The following ENPP6 variants were observed in gnomAD, a reference collection of about 807,000 sequenced individuals.
The protein encoded by ENPP6 is glycerophosphocholine cholinephosphodiesterase ENPP6.
ENPP6 carries 32 observed loss-of-function variants against 42.0 expected under a neutral mutation model. The ratio of observed to expected loss-of-function variants is 0.76; its 90% confidence interval spans 0.58 to 1.02. ENPP6 has a LOEUF of 1.02. Ranked by LOEUF, ENPP6 falls within the 50% of genes least tolerant of loss-of-function variation. The pLI is 0.00. For missense variants in ENPP6, 552 were observed against 566.8 expected, an observed-to-expected ratio of 0.97 and a Z score of 0.27; for synonymous variants, 213 against 216.0, an observed-to-expected ratio of 0.99 and a Z score of 0.12.
At chr4:184,136,768 T>A (rs1209529189) in intron 2 of ENPP6, among the ~76,000 whole-genome samples, 1 of 152,234 alleles carries the variant, frequency 6.6e-6, no homozygotes, top group Admixed American at 6.5e-5. Context: ...GATTTTCTCA[T>A]TGTCTTTGGT....
At chr4:184,210,151 A>G (rs1302356441) in intron 1 of ENPP6, among the ~76,000 whole-genome samples, 1 of 151,586 alleles carries the variant, frequency 6.6e-6, no homozygotes, top group African/African-American at 2.4e-5. Flanking sequence ...TATAAAGACC[A>G]TCGAGACTAG....
At chr4:184,172,112 C>T (rs60314484) in intron 1 of ENPP6, among the ~76,000 whole-genome samples, 17,282 of 152,012 alleles carry the variant, frequency 0.11, 1,227 homozygotes, top group South Asian at 0.21. Context: ...AAAGAGCATC[C>T]AGGGCGAGAG....
intron 3 of ENPP6, among the ~76,000 whole-genome samples, chr4:184,121,113 G>A (rs765883481): frequency 3.3e-5 from 5 of 152,218 alleles, no homozygotes; most frequent in Non-Finnish European, 5.9e-5. Context: ...TGAGAACCAA[G>A]TGGGTTACTG....
chr4:184,198,311 G>A (rs562341250), intron 1 of ENPP6, among the ~76,000 whole-genome samples: 17 of 152,294 alleles, frequency 1.1e-4, no homozygotes, highest in African/African-American at 4.1e-4. Context: ...ACGTGGAGAC[G>A]GTCCACACTC....
intron 4 of ENPP6, among the ~76,000 whole-genome samples, chr4:184,117,401 C>T (rs1466987177): frequency 6.6e-6 from 1 of 152,190 alleles, no homozygotes; most frequent in East Asian, 1.9e-4. Flanking sequence ...AAGGTAAAAA[C>T]AAAACTGAAC....
intron 2 of ENPP6, among the ~76,000 whole-genome samples, chr4:184,134,116 C>T (rs116752860): frequency 0.014 from 1,687 of 117,560 alleles, 36 homozygotes; most frequent in African/African-American, 0.044. Context: ...ATTACACTAA[C>T]CTCATTATGG....
chr4:184,150,587 T>G (rs549855175), intron 2 of ENPP6, among the ~76,000 whole-genome samples: 43 of 152,320 alleles, frequency 2.8e-4, no homozygotes, highest in African/African-American at 9.6e-4. Context: ...AGAGAAAGGA[T>G]AGCAGCAACC....
chr4:184,100,678 C>A (rs1735986019), intron 6 of ENPP6, among the ~76,000 whole-genome samples: 1 of 152,152 alleles, frequency 6.6e-6, no homozygotes, highest in Admixed American at 6.5e-5. Flanking sequence ...GGGGTGTCTC[C>A]CCACTCCTCA....
intron 2 of ENPP6, among the ~76,000 whole-genome samples, chr4:184,146,439 AAAG>A (rs1183579423): frequency 1.3e-5 from 2 of 149,810 alleles, no homozygotes; most frequent in African/African-American, 2.5e-5. Context: ...CAAAAAAAAA[AAAG>A]AAAGAAAGAA....
intron 2 of ENPP6, among the ~76,000 whole-genome samples, chr4:184,134,602 A>G (rs1170543691): frequency 6.6e-6 from 1 of 151,122 alleles, no homozygotes; most frequent in Non-Finnish European, 1.5e-5. Flanking sequence ...ATTATTGGCT[A>G]TTTGTGTCTT....
chr4:184,194,167 C>T (rs1163616840), intron 1 of ENPP6, among the ~76,000 whole-genome samples: 3 of 152,224 alleles, frequency 2.0e-5, no homozygotes, highest in Middle Eastern at 3.2e-3. Flanking sequence ...GTCAGCATCT[C>T]CGGGCCTTCG....
chr4:184,185,147 GAGAACAC>G (rs1355511680), intron 1 of ENPP6, among the ~76,000 whole-genome samples: 14 of 152,190 alleles, frequency 9.2e-5, no homozygotes, highest in Non-Finnish European at 1.6e-4. Flanking sequence ...AAACTGGATT[GAGAACAC>G]AGAACATCCC....
At chr4:184,105,403 T>C (rs1468573680) in intron 6 of ENPP6, among the ~76,000 whole-genome samples, 2 of 152,174 alleles carry the variant, frequency 1.3e-5, no homozygotes, top group Non-Finnish European at 2.9e-5. Context: ...AGTCTGTAAC[T>C]GGGAAACACG....
chr4:184,123,267 C>G (rs1350608524), intron 3 of ENPP6, among the ~76,000 whole-genome samples: 1 of 152,042 alleles, frequency 6.6e-6, no homozygotes, highest in East Asian at 1.9e-4. Flanking sequence ...GGGACAGGCC[C>G]TTTCATGTGG....
At chr4:184,117,655 G>A in intron 4 of ENPP6, 104 bp downstream of exon 4, 1 of 1,528,244 alleles carries the variant, frequency 6.5e-7, no homozygotes, top group Non-Finnish European at 8.9e-7. Flanking sequence ...GGCCCAATTG[G>A]CCTTTAGCAG....
Position 184,112,811 on chromosome 4 carries a change from T to C in ENPP6, c.856-2A>G. 1 of 1,612,404 alleles carries C rather than the reference T, an allele frequency of 6.2e-7. No individual in the cohort carries two copies. The highest frequency in any genetic ancestry group is 8.5e-7 in the Non-Finnish European group (1 of 1,179,522). On this transcript the variant is annotated splice_acceptor_variant, in intron 5 of 7. Transcript: ENST00000296741. LOFTEE classifies it high-confidence loss of function. Reference sequence around the variant, plus strand: ...CACTGTGCTCAGTTTGTTATATATCTGCAAAGAAAATCAAGAGTGATCAGT... The same window carrying C: ...CACTGTGCTCAGTTTGTTATATATCCGCAAAGAAAATCAAGAGTGATCAGT...
intron 6 of ENPP6, among the ~76,000 whole-genome samples, chr4:184,112,008 A>T (rs906810637): frequency 1.1e-4 from 16 of 152,144 alleles, no homozygotes; most frequent in African/African-American, 3.4e-4. Context: ...AATAATTGCA[A>T]CCCACCTTCA....
intron 6 of ENPP6, among the ~76,000 whole-genome samples, chr4:184,108,355 T>C (rs1308041960): frequency 6.6e-6 from 1 of 152,060 alleles, no homozygotes; most frequent in Non-Finnish European, 1.5e-5. Context: ...TGTGGATGGG[T>C]GTATAGGTTT....
intron 1 of ENPP6, among the ~76,000 whole-genome samples, chr4:184,192,314 C>G (rs1732722435): frequency 6.6e-6 from 1 of 152,002 alleles, no homozygotes; most frequent in African/African-American, 2.4e-5. Flanking sequence ...ATTGAGAGCC[C>G]AAGAATAATC....
Sources: gnomAD v4.1 joint callset for allele counts (sites outside exome capture counted in the v4.1 genomes callset) on GRCh38, gnomAD v4.1.1 for gene constraint, MANE v1.5 for transcripts, NCBI Gene and HGNC (gene_info 2026-07-23, HGNC 2026-07-21) for gene names.